CCDC28B: variants seen among roughly 807,000 people sequenced by gnomAD.
CCDC28B encodes the protein coiled-coil domain-containing protein 28B.
Under a neutral mutation model 18.7 loss-of-function variants are expected in CCDC28B, and 17 were observed. The ratio of observed to expected loss-of-function variants is 0.91; its 90% CI spans 0.62 to 1.36. CCDC28B has a LOEUF of 1.36. Among genes scored for constraint, CCDC28B ranks in the 40% most tolerant of loss-of-function variants. CCDC28B has a pLI of 0.00. For synonymous variants in CCDC28B, 116 were observed against 105.1 expected (o/e 1.10, Z -0.64); for missense variants, 213 against 251.7 (o/e 0.85, Z 1.04).
In CCDC28B at chr1:32,202,104, G is replaced by A. The variant is rs1643160459; in HGVS notation, c.164+5G>A. On this transcript the variant is annotated splice_donor_5th_base_variant and intron_variant, in intron 2 of 5. Coordinates refer to ENST00000373602, the MANE Select transcript of CCDC28B (RefSeq NM_024296.5). ...GCAGCGGGCCAAGTTCAAGAGGTGG[G>A]TACAGAAGGGAAGGAAAGGAGGAGG... The A allele has an allele frequency of 6.2e-7, 1 of 1,611,926 alleles. No homozygotes were observed. Among genetic ancestry groups the A allele is most frequent in the Non-Finnish European group, 8.5e-7 (1 of 1,178,738 alleles).
chr1:32,202,223 C>T (rs1431336480), intron 2 of CCDC28B, 124 bp downstream of exon 2: 1 of 1,257,826 alleles, frequency 8.0e-7, no homozygotes, highest in Admixed American at 2.0e-5. Flanking sequence ...TGGAGCAGAC[C>T]CCTGAGAACT....
upstream of CCDC28B, chr1:32,197,908 A>T (rs573735444): frequency 6.6e-6 from 1 of 152,258 alleles, no homozygotes; most frequent in African/African-American, 2.4e-5. This position sits in a 1 kb window ranked among gnomAD's most constrained non-coding sequence, Gnocchi z 4.6. Context: ...TTCTGTAAAG[A>T]TGGTTATTTA....
Position 32,200,601 on chromosome 1 carries a change from A to C in CCDC28B, c.-132A>C, listed in dbSNP as rs575068151. 6.6e-6 allele frequency: 1 copy of C among 152,332 alleles called. No individual in the cohort carries two copies. Among genetic ancestry groups the C allele is most frequent in the South Asian group, 2.1e-4 (1 of 4,826 alleles). 9.4% of individuals were successfully genotyped at this position (152,332 alleles called of 1,614,324 possible). A position where few individuals can be genotyped will look rare whatever the true frequency, so the allele number is the denominator to read the frequency against. On this transcript the variant is annotated 5_prime_UTR_variant, in exon 1 of 6. Transcript: ENST00000373602. ...AGAAGGTCACTTTCTCTTTAAATGC[A>C]AATGAACTCCCTCCAGCTTAGCTTT...
At chr1:32,199,595 T>A (rs1183784642), upstream of CCDC28B, among the ~76,000 whole-genome samples, 1 of 152,178 alleles carries the variant, frequency 6.6e-6, no homozygotes, top group Admixed American at 6.5e-5. Context: ...AATTACTCTT[T>A]ACCCTTGTGG....
upstream of CCDC28B, chr1:32,197,534 T>G (rs1257699405): frequency 1.3e-5 from 2 of 152,322 alleles, no homozygotes; most frequent in African/African-American, 4.8e-5. The surrounding 1 kb of genome is among the most constrained non-coding windows in gnomAD (Gnocchi z 4.6). Context: ...CTGCTCTGCT[T>G]CTGCTTTCCA....
intron 1 of CCDC28B, 76 bp from the exon 2 acceptor site, chr1:32,201,837 G>C (rs1448730433): frequency 7.7e-7 from 1 of 1,292,646 alleles, no homozygotes. Context: ...CCCTTCCTTG[G>C]TGCAGCTCTC....
chr1:32,205,228 G>A lies in CCDC28B; in HGVS notation c.583G>A (p.Glu195Lys). The part of the protein sequence containing the change: ...KLHLAENAEP[E>K]EQSAA ...GCACCTGGCCGAGAACGCCGAGCCT[G>A]AGGAGCAGTCCGCTGCGTAGGCGTC... is the stretch of plus-strand genomic sequence containing the variant. The change falls in exon 6 of 6, where the codon GAG becomes AAG. Residue 195 changes from glutamate to lysine, a missense_variant. Transcript: ENST00000373602. The surrounding 1 kb of genome is among the most constrained non-coding windows in gnomAD (Gnocchi z 5.6). 6.2e-7 allele frequency: 1 copy of A among 1,613,870 alleles called. No individual in the cohort carries two copies. The highest frequency in any genetic ancestry group is 2.2e-5 in the East Asian group (1 of 44,868).
chr1:32,201,304 AG>A (rs1229523864), intron 1 of CCDC28B, among the ~76,000 whole-genome samples: 1 of 152,084 alleles, frequency 6.6e-6, no homozygotes, highest in African/African-American at 2.4e-5. Context: ...CGGGACCTAT[AG>A]GGAGTCCCTA....
In CCDC28B at chr1:32,201,521, T is replaced by C. The variant is rs143020605; in HGVS notation, c.-23-392T>C. Among the ~76,000 whole-genome samples, 37 of 152,132 alleles carry C rather than the reference T, an allele frequency of 2.4e-4. 1 individual carries two copies. The East Asian group carries it at 7.0e-3, about 29-fold the overall frequency. ...CTGCTTAGGCCCCTGATAAATAGAATAGGGTTTAGTTAAGACATCCCTAAT... is the reference window on the plus strand; with the variant it reads ...CTGCTTAGGCCCCTGATAAATAGAACAGGGTTTAGTTAAGACATCCCTAAT... On this transcript the variant is annotated intron_variant, in intron 1 of 5. Transcript: ENST00000373602.
Position 32,204,203 on chromosome 1 carries a change from G to T in CCDC28B, c.349G>T (p.Glu117Ter), listed in dbSNP as rs1484397041. ...CGTTCCAGGGAAGGAATGCTCCTTT[G>T]AGCAGCTGGAGCACGTTCGGGAGAT... Reference protein sequence around the residue: ...LQAFGKECSFEQLEHVREMQE... With the variant: ...LQAFGKECSF Residue 117 changes from glutamate (E) to a stop codon, truncating the protein, a stop_gained, in exon 4 of 6, where the codon GAG (glutamate) becomes TAG (stop). Coordinates refer to ENST00000373602, the MANE Select transcript of CCDC28B (RefSeq NM_024296.5). LOFTEE classifies it high-confidence loss of function. The T allele has an allele frequency of 5.6e-6, 9 of 1,614,088 alleles. No individual in the cohort carries two copies. The highest frequency in any genetic ancestry group is 6.8e-6 in the Non-Finnish European group (8 of 1,180,008).
upstream of CCDC28B, among the ~76,000 whole-genome samples, chr1:32,198,591 T>C (rs541623394): frequency 2.4e-4 from 37 of 152,216 alleles, no homozygotes; most frequent in Admixed American, 8.5e-4. Context: ...AAGGTACTTT[T>C]AGCTATAGAC....
intron 2 of CCDC28B, 43 bp downstream of exon 2, chr1:32,202,142 G>A: frequency 1.2e-6 from 2 of 1,611,882 alleles, no homozygotes; most frequent in Non-Finnish European, 1.7e-6. Context: ...CCCCAACTCT[G>A]GGTTGCACTG....
intron 1 of CCDC28B, among the ~76,000 whole-genome samples, chr1:32,201,258 C>T (rs978619945): frequency 1.3e-5 from 2 of 152,176 alleles, no homozygotes; most frequent in African/African-American, 4.8e-5. Flanking sequence ...AGGGACTTTC[C>T]GACTGGGAAA....
chr1:32,204,408 C>G lies in CCDC28B; in HGVS notation c.525+29C>G, dbSNP rs200135096. ...GGTTCATGTCTGGGTGCTTTGGTTC[C>G]TGGGGGCATGAGGGGTGGAGAAGGT... On this transcript the variant is annotated intron_variant, in intron 4 of 5. Transcript: ENST00000373602. 7.2e-5 allele frequency: 111 copies of G among 1,545,940 alleles called. 1 individual carries two copies. The highest frequency in any genetic ancestry group is 2.0e-4 in the South Asian group (16 of 79,544).
At chr1:32,201,868 C>T (rs59457424) in intron 1 of CCDC28B, 45 bp from the exon 2 acceptor site, 6 of 1,494,366 alleles carry the variant, frequency 4.0e-6, no homozygotes, top group Admixed American at 2.2e-5. Flanking sequence ...GGGTGAAGGG[C>T]TAACTTTGCC....
In CCDC28B at chr1:32,203,990, G is replaced by A. The variant is rs777850558; in HGVS notation, c.276G>A (p.Glu92=). 6.3e-7 allele frequency: 1 copy of A among 1,576,962 alleles called. No individual in the cohort carries two copies. The highest frequency in any genetic ancestry group is 8.6e-7 in the Non-Finnish European group (1 of 1,161,810). The change falls in exon 3 of 6, where the codon GAG becomes GAA. Residue 92 remains glutamate (E), a synonymous_variant. Transcript: ENST00000373602. ...AGGTGACTGATGTCTATGAGATGGA[G>A]GGGGGACTCCTGAACCTGCTCAATG... ...LTEVTDVYEM[E]GGLLNLLNDF...
At chr1:32,199,095 G>A (rs1166317839), upstream of CCDC28B, among the ~76,000 whole-genome samples, 1 of 152,172 alleles carries the variant, frequency 6.6e-6, no homozygotes, top group Non-Finnish European at 1.5e-5. Context: ...TCAAGCATGG[G>A]ACTCCTATAT....
chr1:32,201,575 C>T (rs1569657331), intron 1 of CCDC28B: 1 of 196,848 alleles, frequency 5.1e-6, no homozygotes, highest in Non-Finnish European at 1.0e-5. Flanking sequence ...AGCTCACCTC[C>T]GTCTTGTCTC....
intron 2 of CCDC28B, chr1:32,202,312 G>A: frequency 9.9e-6 from 7 of 705,172 alleles, no homozygotes; most frequent in Non-Finnish European, 1.5e-5. Context: ...CACATAGCGT[G>A]AGGATTCGCC....
Sources: gnomAD v4.1 joint callset for allele counts (sites outside exome capture counted in the v4.1 genomes callset) on GRCh38, gnomAD v4.1.1 for gene constraint, Gnocchi (gnomAD v3.1) non-coding constraint, MANE v1.5 for transcripts, NCBI Gene and HGNC (gene_info 2026-07-23, HGNC 2026-07-21) for gene names.